The following MAP3K20 variants were observed in gnomAD, a reference collection of about 807,000 sequenced individuals.
MAP3K20 encodes mitogen-activated protein kinase kinase kinase 20.
A neutral mutation model predicts 85.7 loss-of-function variants in MAP3K20; 40 were observed. That is an observed-to-expected ratio of 0.47 (90% CI 0.36 to 0.61). The LOEUF is 0.61. Among genes scored for constraint, MAP3K20 ranks in the 20% least tolerant of loss-of-function variants. The probability of loss-of-function intolerance (pLI) is 0.00; values close to 1 mark genes in which losing one functional copy is unlikely to be tolerated. For missense variants in MAP3K20, 817 were observed against 961.7 expected (o/e 0.85, Z 1.99); for synonymous variants, 325 against 327.7 (o/e 0.99, Z 0.09).
chr2:173,199,644 T>A (rs962176373), intron 8 of MAP3K20, among the ~76,000 whole-genome samples: 6 of 149,408 alleles, frequency 4.0e-5, no homozygotes, highest in Non-Finnish European at 8.9e-5. Context: ...TATTCCAAGA[T>A]AAACTAGGAG....
intron 2 of MAP3K20, among the ~76,000 whole-genome samples, chr2:173,163,871 T>C (rs1689736280): frequency 1.3e-5 from 2 of 152,224 alleles, no homozygotes; most frequent in African/African-American, 4.8e-5. Context: ...CAAACTGCCT[T>C]TCATAATGGC....
At chr2:173,217,359 T>C (rs1684108838) in intron 11 of MAP3K20, 109 bp downstream of exon 11, 3 of 1,304,578 alleles carry the variant, frequency 2.3e-6, no homozygotes, top group Non-Finnish European at 3.0e-6. Context: ...CCTCCTCATT[T>C]CCTGCCTCGC....
At chr2:173,176,442 G>A (rs184075697) in intron 3 of MAP3K20, among the ~76,000 whole-genome samples, 1 of 152,078 alleles carries the variant, frequency 6.6e-6, no homozygotes, top group Non-Finnish European at 1.5e-5. Flanking sequence ...GAGTTATATT[G>A]GAGAAAATCT....
intron 1 of MAP3K20, among the ~76,000 whole-genome samples, chr2:173,077,620 GTTT>G (rs1431401234): frequency 6.6e-6 from 1 of 152,098 alleles, no homozygotes; most frequent in African/African-American, 2.4e-5. Flanking sequence ...TATTTGGGGA[GTTT>G]TTTAACTACA....
Position 173,144,504 on chromosome 2 carries a change from GAAGAGAAAAGAAAAAA to G in MAP3K20, c.160-25286_160-25271del, listed in dbSNP as rs1228334614. Among the ~76,000 whole-genome samples the G allele has an allele frequency of 1.1e-4, 16 of 147,560 alleles. No individual in the cohort carries two copies. The South Asian group carries it at 1.3e-3, about 12-fold the overall frequency. On this transcript the variant is annotated intron_variant, in intron 2 of 19. Coordinates refer to ENST00000375213, the MANE Select transcript of MAP3K20 (RefSeq NM_016653.3). The stretch of plus-strand genomic sequence containing the variant: ...AAAAAAAGAAAAGAAAGAAAGAAGA[GAAGAGAAAAGAAAAAA>G]AAGAGAAAAGAAAAGAAATACAAAA...
At chr2:173,173,410 A>G (rs1055219316) in intron 3 of MAP3K20, among the ~76,000 whole-genome samples, 2 of 152,044 alleles carry the variant, frequency 1.3e-5, no homozygotes, top group African/African-American at 4.8e-5. Flanking sequence ...GATGCCTGGA[A>G]ATTGCTTTGT....
chr2:173,227,776 C>G (rs1574137414), intron 11 of MAP3K20, among the ~76,000 whole-genome samples: 1 of 152,200 alleles, frequency 6.6e-6, no homozygotes, highest in Non-Finnish European at 1.5e-5. Context: ...ATCCCCTCCC[C>G]CCAACCCAGT....
chr2:173,197,466 T>G (rs1315947749), intron 7 of MAP3K20, among the ~76,000 whole-genome samples: 1 of 152,192 alleles, frequency 6.6e-6, no homozygotes, highest in Admixed American at 6.5e-5. Flanking sequence ...ACCGACTCAT[T>G]TTGCGGGAGA....
chr2:173,077,921 A>G (rs1465915617), intron 1 of MAP3K20, among the ~76,000 whole-genome samples: 2 of 152,258 alleles, frequency 1.3e-5, no homozygotes, highest in Non-Finnish European at 2.9e-5. Flanking sequence ...TTAACTTAGC[A>G]CAAGAGTGAG....
At chr2:173,151,422 A>G (rs939214137) in intron 2 of MAP3K20, among the ~76,000 whole-genome samples, 10 of 152,314 alleles carry the variant, frequency 6.6e-5, no homozygotes, top group African/African-American at 1.9e-4. Context: ...CATTTTATCA[A>G]TAGATAAGCT....
At chr2:173,209,654 G>C in intron 9 of MAP3K20, 75 bp from the exon 10 acceptor site, 1 of 1,219,076 alleles carries the variant, frequency 8.2e-7, no homozygotes, top group Non-Finnish European at 1.2e-6. Context: ...TACTATGCTT[G>C]TAGTATCTAC....
At chr2:173,143,574 C>T (rs772700240) in intron 2 of MAP3K20, among the ~76,000 whole-genome samples, 23 of 152,182 alleles carry the variant, frequency 1.5e-4, no homozygotes, top group South Asian at 1.5e-3. Flanking sequence ...TTTAACTCAA[C>T]GGGGAAATAT....
chr2:173,104,969 GT>G (rs560608540), intron 2 of MAP3K20, among the ~76,000 whole-genome samples: 189 of 152,306 alleles, frequency 1.2e-3, no homozygotes, highest in African/African-American at 4.5e-3. Flanking sequence ...CGTAGCTGGA[GT>G]GGAGTGTGTG....
chr2:173,226,774 C>T (rs1381535149), intron 11 of MAP3K20: 5 of 985,336 alleles, frequency 5.1e-6, no homozygotes, highest in Non-Finnish European at 6.0e-6. Context: ...ATTGCTTTTG[C>T]ACTCTTAAAA....
At chr2:173,170,670 A>AT (rs1365155599) in intron 3 of MAP3K20, among the ~76,000 whole-genome samples, 2 of 152,206 alleles carry the variant, frequency 1.3e-5, no homozygotes, top group Non-Finnish European at 2.9e-5. Context: ...TTTATAGAAA[A>AT]TAACAACAAA....
At chr2:173,164,117 G>A (rs2106243442) in intron 2 of MAP3K20, among the ~76,000 whole-genome samples, 1 of 152,152 alleles carries the variant, frequency 6.6e-6, no homozygotes, top group Middle Eastern at 3.4e-3. Context: ...GTGCCACCAT[G>A]CCCAGCTAAT....
chr2:173,257,471 T>C (rs529098063), intron 16 of MAP3K20, among the ~76,000 whole-genome samples: 1 of 152,354 alleles, frequency 6.6e-6, no homozygotes, highest in African/African-American at 2.4e-5. Flanking sequence ...GTTTTTGAGA[T>C]TGATCCAAAT....
At position 173,266,147 on chromosome 2, in the gene MAP3K20, G is replaced by A. The variant is rs765221856; in HGVS notation, c.1800G>A (p.Pro600=). The change falls in exon 20 of 20, where the codon CCG becomes CCA. Residue 600 remains proline, a synonymous_variant. Coordinates refer to ENST00000375213, the MANE Select transcript of MAP3K20 (RefSeq NM_016653.3). ...AGAGCAATCCTATTCTGGGGTCACC[G>A]TTCTTCTCACACTTTGATGGCCAGG... ...RSQSNPILGS[P]FFSHFDGQDS... is the part of the protein sequence containing the mutation. 2.7e-5 allele frequency: 43 copies of A among 1,613,742 alleles called. No homozygotes were observed. Among genetic ancestry groups the A allele is most frequent in the South Asian group, 1.9e-4 (17 of 91,022 alleles).
chr2:173,197,983 T>C (rs771673955), intron 7 of MAP3K20, 43 bp from the exon 8 acceptor site: 1 of 1,576,550 alleles, frequency 6.3e-7, no homozygotes, highest in South Asian at 1.1e-5. Context: ...TACCAAAAAA[T>C]ATAAAGTACA....
Sources: allele counts gnomAD v4.1 joint callset (sites outside exome capture counted in the v4.1 genomes callset), GRCh38; gene constraint gnomAD v4.1.1; transcripts MANE v1.5; gene names NCBI Gene and HGNC (gene_info 2026-07-23, HGNC 2026-07-21).